The following PDXK variants were observed in gnomAD, a reference collection of about 807,000 sequenced individuals.
The protein encoded by PDXK is pyridoxal kinase, also known as epididymis secretory sperm binding protein Li 1a.
A neutral mutation model predicts 43.2 loss-of-function variants in PDXK; 15 were observed. That is an observed-to-expected ratio of 0.35 (90% CI 0.23 to 0.53). The LOEUF is 0.53. PDXK is among the 20% of genes least tolerant of loss of function. The pLI, the probability that PDXK is intolerant of heterozygous loss-of-function variation, is 0.92. For synonymous variants in PDXK, 172 were observed against 165.4 expected, an observed-to-expected ratio of 1.04 and a Z score of -0.31; for missense variants, 343 against 417.0, an observed-to-expected ratio of 0.82 and a Z score of 1.54.
intron 1 of PDXK, among the ~76,000 whole-genome samples, chr21:43,733,248 TCCCCACC>T (rs1363741455): frequency 1.4e-4 from 5 of 35,064 alleles, no homozygotes; most frequent in African/African-American, 4.7e-4. Flanking sequence ...CCCCTCCCCA[TCCCCACC>T]CCCCCCCCCG....
At chr21:43,746,197 C>T in intron 5 of PDXK, 72 bp downstream of exon 5, 1 of 1,201,100 alleles carries the variant, frequency 8.3e-7, no homozygotes, top group Non-Finnish European at 1.2e-6. Context: ...GAAGACAGGC[C>T]CACATCTCTA....
At chr21:43,730,430 T>G (rs8129390) in intron 1 of PDXK, among the ~76,000 whole-genome samples, 4,503 of 151,740 alleles carry the variant, frequency 0.03, 194 homozygotes, top group African/African-American at 0.1. Flanking sequence ...CCAGCCCTCA[T>G]ATCTGATTTA....
rs544209639 is a variant in PDXK at position 43,740,213 on chromosome 21, C to T, written c.143-1454C>T. 1.4e-4 allele frequency among the ~76,000 whole-genome samples: 21 copies of T among 152,222 alleles called. 1 individual carries two copies. The South Asian group carries it at 1.4e-3, about 11-fold the overall frequency. The stretch of plus-strand genomic sequence containing the variant: ...TTGCGCCACACGTCCTCCCGTGCGA[C>T]GGCTGCTGGGGAAAGCCAAAGGCGT... On this transcript the variant is annotated intron_variant, in intron 2 of 10. Coordinates refer to ENST00000291565, the MANE Select transcript of PDXK (RefSeq NM_003681.5).
chr21:43,721,251 G>C (rs1228388076), intron 1 of PDXK, among the ~76,000 whole-genome samples: 1 of 152,246 alleles, frequency 6.6e-6, no homozygotes, highest in Non-Finnish European at 1.5e-5. Context: ...TGGGGCCAGT[G>C]TTTGCCGCTT....
chr21:43,746,012 A>G, intron 4 of PDXK, 67 bp from the exon 5 acceptor site: 1 of 1,240,626 alleles, frequency 8.1e-7, no homozygotes, highest in South Asian at 1.2e-5. Flanking sequence ...AAGAAGAAAG[A>G]AATGTGGAGG....
At chr21:43,724,519 C>T (rs1395840872) in intron 1 of PDXK, among the ~76,000 whole-genome samples, 2 of 152,002 alleles carry the variant, frequency 1.3e-5, no homozygotes, top group African/African-American at 4.8e-5. Flanking sequence ...GCCCTCAAGT[C>T]AGGAGCTGAT....
At chr21:43,720,851 T>C (rs2147198326) in intron 1 of PDXK, among the ~76,000 whole-genome samples, 1 of 152,294 alleles carries the variant, frequency 6.6e-6, no homozygotes. Flanking sequence ...GGTCCTGCTG[T>C]GTCTGTCCCG....
At position 43,749,036 on chromosome 21, in the gene PDXK, G is replaced by T. The variant is rs1048330366; in HGVS notation, c.420G>T (p.Val140=). Residue 140 remains valine, a synonymous_variant, in exon 6 of 11, where the codon GTG becomes GTT. Transcript: ENST00000291565. ...EDLLPVYKEK[V]VPLADIITPN... Reference sequence around the variant, plus strand: ...TCCTTCCCGTCTACAAAGAAAAAGTGGTGCCGCTTGCAGACATTATCACGC... The same window carrying T: ...TCCTTCCCGTCTACAAAGAAAAAGTTGTGCCGCTTGCAGACATTATCACGC... 1.2e-6 allele frequency: 2 copies of T among 1,612,834 alleles called. No individual in the cohort carries two copies. The highest frequency in any genetic ancestry group is 1.3e-5 in the African/African-American group (1 of 74,922).
Position 43,737,284 on chromosome 21 carries a change from C to T in PDXK, c.142+3161C>T, listed in dbSNP as rs1046711469. On this transcript the variant is annotated intron_variant, in intron 2 of 10. Coordinates refer to ENST00000291565, the MANE Select transcript of PDXK (RefSeq NM_003681.5). This position sits in a 1 kb window ranked among gnomAD's most constrained non-coding sequence, Gnocchi z 4.8. ...GCCTGCAGAGCCCACCTGGCGCAGG[C>T]CTCGCCGCCTCGAGGCTGCTGCTCG... 23 of 1,404,998 alleles carry T rather than the reference C, an allele frequency of 1.6e-5. No homozygotes were observed. The South Asian group carries it at 2.9e-4, about 18-fold the overall frequency. The allele number at this position is 1,404,998 out of a possible 1,614,324, so 87.0% of individuals were successfully genotyped here. A position where few individuals can be genotyped will look rare whatever the true frequency, so the allele number is the denominator to read the frequency against.
chr21:43,744,843 C>T (rs1397905272), intron 4 of PDXK, among the ~76,000 whole-genome samples: 2 of 152,154 alleles, frequency 1.3e-5, no homozygotes, highest in Admixed American at 6.6e-5. Flanking sequence ...TTCCCAGTGA[C>T]CAAATGTGGA....
chr21:43,745,021 G>C (rs965206240), intron 4 of PDXK, among the ~76,000 whole-genome samples: 4 of 152,220 alleles, frequency 2.6e-5, no homozygotes, highest in African/African-American at 4.8e-5. Flanking sequence ...AAGGGAGACT[G>C]TTACACGATC....
rs1021852327 is a variant in PDXK at position 43,732,069 on chromosome 21, G to A, written c.88-2000G>A. 14 of 949,144 alleles carry A rather than the reference G, an allele frequency of 1.5e-5. No homozygotes were observed. Among genetic ancestry groups the A allele is most frequent in the African/African-American group, 1.0e-4 (6 of 59,186 alleles). 58.8% of individuals were successfully genotyped at this position (949,144 alleles called of 1,614,324 possible). On this transcript the variant is annotated intron_variant, in intron 1 of 10. Coordinates refer to ENST00000291565, the MANE Select transcript of PDXK (RefSeq NM_003681.5). This position sits in a 1 kb window ranked among gnomAD's most constrained non-coding sequence, Gnocchi z 4.1. ...GCTATGGGAAGGGACGGTCACTACC[G>A]CTGCCCCTGTGGGGAGAAGAGCCCC...
intron 3 of PDXK, among the ~76,000 whole-genome samples, chr21:43,742,985 T>A (rs1392827707): frequency 6.6e-6 from 1 of 152,166 alleles, no homozygotes; most frequent in Non-Finnish European, 1.5e-5. Context: ...ACAGCGTTTC[T>A]GTTGAGAAAT....
intron 9 of PDXK, 40 bp downstream of exon 9, chr21:43,753,759 C>T (rs766772841): frequency 3.0e-5 from 47 of 1,576,316 alleles, no homozygotes; most frequent in Middle Eastern, 3.4e-4. Context: ...CCCACTCCCA[C>T]GGCACCTCAT....
chr21:43,744,930 A>G (rs533043483), intron 4 of PDXK, among the ~76,000 whole-genome samples: 37 of 152,322 alleles, frequency 2.4e-4, no homozygotes, highest in South Asian at 1.0e-3. Flanking sequence ...CAGTCTGGAA[A>G]AGGAAGGAAA....
At chr21:43,733,926 G>T in intron 1 of PDXK, 143 bp from the exon 2 acceptor site, 1 of 748,356 alleles carries the variant, frequency 1.3e-6, no homozygotes, top group Admixed American at 2.1e-5. Context: ...CTGCTCTGAT[G>T]CGTCAGCCCT....
At position 43,749,033 on chromosome 21, in the gene PDXK, A is replaced by C; in HGVS notation, c.417A>C (p.Lys139Asn). The part of the protein sequence containing the change: ...PEDLLPVYKE[K>N]VVPLADIITP... Reference sequence around the variant, plus strand: ...ACCTCCTTCCCGTCTACAAAGAAAAAGTGGTGCCGCTTGCAGACATTATCA... The same window carrying C: ...ACCTCCTTCCCGTCTACAAAGAAAACGTGGTGCCGCTTGCAGACATTATCA... The change falls in exon 6 of 11, where the codon AAA becomes AAC. Residue 139 changes from lysine (K) to asparagine (N), a missense_variant. Physicochemically the swap from Lys to Asn is moderately conservative, Grantham distance 94. Coordinates refer to ENST00000291565, the MANE Select transcript of PDXK (RefSeq NM_003681.5). 2 of 1,612,884 alleles carry C rather than the reference A, an allele frequency of 1.2e-6. No homozygotes were observed. The highest frequency in any genetic ancestry group is 1.7e-6 in the Non-Finnish European group (2 of 1,178,984).
intron 8 of PDXK, among the ~76,000 whole-genome samples, chr21:43,753,245 CAT>C (rs1314197561): frequency 6.6e-6 from 1 of 152,196 alleles, no homozygotes; most frequent in Non-Finnish European, 1.5e-5. Flanking sequence ...CACGGACACA[CAT>C]GCATACACGT....
chr21:43,745,032 C>A (rs2083612815), intron 4 of PDXK, among the ~76,000 whole-genome samples: 1 of 152,228 alleles, frequency 6.6e-6, no homozygotes, highest in Non-Finnish European at 1.5e-5. Flanking sequence ...TTACACGATC[C>A]CGCTATCTGA....
Sources: gnomAD v4.1 joint callset for allele counts (sites outside exome capture counted in the v4.1 genomes callset) on GRCh38, gnomAD v4.1.1 for gene constraint, Gnocchi (gnomAD v3.1) non-coding constraint, MANE v1.5 for transcripts, NCBI Gene and HGNC (gene_info 2026-07-23, HGNC 2026-07-21) for gene names.